FILIP1: variants seen among roughly 807,000 people sequenced by gnomAD.
FILIP1 encodes the protein filamin-A-interacting protein 1.
Under a neutral mutation model 102.1 loss-of-function variants are expected in FILIP1, and 61 were observed. That is an observed-to-expected ratio of 0.60 (90% CI 0.49 to 0.74). The LOEUF (loss-of-function observed/expected upper bound fraction) is 0.74. Ranked by LOEUF, FILIP1 falls within the 30% of genes least tolerant of loss-of-function variation. The pLI, the probability that FILIP1 is intolerant of heterozygous loss-of-function variation, is 0.00. For synonymous variants in FILIP1, 491 were observed against 526.9 expected, an observed-to-expected ratio of 0.93 and a Z score of 0.93; for missense variants, 1,314 against 1,441.2, an observed-to-expected ratio of 0.91 and a Z score of 1.43.
At chr6:75,356,714 T>C (rs2703663) in intron 3 of FILIP1, among the ~76,000 whole-genome samples, 8,461 of 151,982 alleles carry the variant, frequency 0.056, 663 homozygotes, top group African/African-American at 0.17. Flanking sequence ...GGTGATCCAC[T>C]CACCTCTGCC....
chr6:75,415,659 G>A (rs1033643527), intron 1 of FILIP1, among the ~76,000 whole-genome samples: 2 of 151,732 alleles, frequency 1.3e-5, no homozygotes, highest in Non-Finnish European at 2.9e-5. Context: ...TTTTCCCATA[G>A]CCTCTATTTT....
exon 7 of FILIP1, chr6:75,293,018 A>G (rs1772580515): frequency 6.6e-6 from 1 of 152,228 alleles, no homozygotes; most frequent in African/African-American, 2.4e-5. Flanking sequence ...AATTATAGGC[A>G]TCTGACAGCT....
chr6:75,483,624 G>A (rs1261334044), intron 1 of FILIP1, among the ~76,000 whole-genome samples: 1 of 152,106 alleles, frequency 6.6e-6, no homozygotes, highest in African/African-American at 2.4e-5. Flanking sequence ...CCTCCAATTG[G>A]GCCAGTCATT....
chr6:75,384,496 G>A (rs1302455673), intron 2 of FILIP1, among the ~76,000 whole-genome samples: 1 of 152,028 alleles, frequency 6.6e-6, no homozygotes, highest in African/African-American at 2.4e-5. Context: ...TATGTGCAAA[G>A]TATGTGGCTA....
chr6:75,384,186 CA>C (rs939911429), intron 2 of FILIP1, among the ~76,000 whole-genome samples: 1 of 151,752 alleles, frequency 6.6e-6, no homozygotes, highest in African/African-American at 2.4e-5. Flanking sequence ...AACTCTAATA[CA>C]AAAAAAATTC....
chr6:75,465,617 A>G (rs1229942428), intron 1 of FILIP1: 1 of 374,540 alleles, frequency 2.7e-6, no homozygotes, highest in African/African-American at 2.2e-5. Context: ...CGATTTAAGC[A>G]GTCTTCATTT....
chr6:75,447,212 C>A (rs563951384), intron 1 of FILIP1, among the ~76,000 whole-genome samples: 3 of 152,042 alleles, frequency 2.0e-5, no homozygotes, highest in African/African-American at 4.8e-5. Context: ...GGAAAGAAAA[C>A]GGTTATAAAC....
chr6:75,392,015 C>G (rs1776294487), intron 2 of FILIP1, among the ~76,000 whole-genome samples: 1 of 152,142 alleles, frequency 6.6e-6, no homozygotes, highest in Non-Finnish European at 1.5e-5. Flanking sequence ...TTTTCTTGAT[C>G]CATCAGCAGC....
chr6:75,407,021 G>A (rs1455749620), intron 2 of FILIP1, among the ~76,000 whole-genome samples: 1 of 152,104 alleles, frequency 6.6e-6, no homozygotes, highest in Non-Finnish European at 1.5e-5. Context: ...ATTAATTAAA[G>A]CCCAAAGAAT....
At chr6:75,447,128 T>C (rs1045280305) in intron 1 of FILIP1, among the ~76,000 whole-genome samples, 2 of 152,164 alleles carry the variant, frequency 1.3e-5, no homozygotes, top group African/African-American at 4.8e-5. Flanking sequence ...TGAACAACTC[T>C]ACAAACTTCT....
At chr6:75,320,914 G>A (rs1031678053) in intron 4 of FILIP1, among the ~76,000 whole-genome samples, 6 of 152,202 alleles carry the variant, frequency 3.9e-5, no homozygotes, top group Non-Finnish European at 8.8e-5. Flanking sequence ...TAGCACTGGA[G>A]GCTGAACAAC....
At chr6:75,482,014 C>A (rs1779661608) in intron 1 of FILIP1, among the ~76,000 whole-genome samples, 1 of 152,084 alleles carries the variant, frequency 6.6e-6, no homozygotes, top group African/African-American at 2.4e-5. Context: ...CTCAAAAGGA[C>A]AAAATTCTTC....
At chr6:75,489,126 G>A (rs1582580715) in intron 1 of FILIP1, among the ~76,000 whole-genome samples, 1 of 152,104 alleles carries the variant, frequency 6.6e-6, no homozygotes, top group South Asian at 2.1e-4. Flanking sequence ...ATAGTCGGCT[G>A]TAAAACAGAC....
intron 1 of FILIP1, among the ~76,000 whole-genome samples, chr6:75,420,112 G>A (rs1212520606): frequency 6.6e-6 from 1 of 152,094 alleles, no homozygotes; most frequent in Non-Finnish European, 1.5e-5. Context: ...TTCAGAGAAA[G>A]GGATTCTCTT....
chr6:75,330,822 G>A (rs1774055028), intron 4 of FILIP1, among the ~76,000 whole-genome samples: 1 of 152,012 alleles, frequency 6.6e-6, no homozygotes, highest in Non-Finnish European at 1.5e-5. Flanking sequence ...TCTAGAATAG[G>A]AATATTGATG....
chr6:75,339,560 A>G (rs1324439638), intron 4 of FILIP1, among the ~76,000 whole-genome samples: 2 of 152,160 alleles, frequency 1.3e-5, no homozygotes, highest in Admixed American at 1.3e-4. Flanking sequence ...ATTTAAAGCA[A>G]TTTGTTTTAT....
At chr6:75,383,864 G>A (rs61412959) in intron 2 of FILIP1, among the ~76,000 whole-genome samples, 7 of 152,264 alleles carry the variant, frequency 4.6e-5, no homozygotes, top group African/African-American at 1.4e-4. Flanking sequence ...GTCAGAATGC[G>A]AAATCAGGCA....
At chr6:75,363,845 A>G (rs1775243528) in intron 2 of FILIP1, among the ~76,000 whole-genome samples, 1 of 152,194 alleles carries the variant, frequency 6.6e-6, no homozygotes, top group South Asian at 2.1e-4. Flanking sequence ...TATACTAAAG[A>G]AAAAGCTGGT....
intron 2 of FILIP1, chr6:75,385,563 C>T (rs1776063270): frequency 6.6e-6 from 1 of 152,066 alleles, no homozygotes; most frequent in South Asian, 2.1e-4. Context: ...GTATTTTTCT[C>T]TTACTCCTTT....
Sources: allele counts gnomAD v4.1 joint callset (sites outside exome capture counted in the v4.1 genomes callset), GRCh38; gene constraint gnomAD v4.1.1; transcripts MANE v1.5; gene names NCBI Gene and HGNC (gene_info 2026-07-23, HGNC 2026-07-21).